The following HEATR4 variants were observed in gnomAD, a reference collection of about 807,000 sequenced individuals.
HEATR4 encodes HEAT repeat containing 4.
HEATR4 carries 95 observed loss-of-function variants against 108.8 expected under a neutral mutation model. The ratio of observed to expected loss-of-function variants is 0.87; its 90% CI spans 0.74 to 1.04. The LOEUF (loss-of-function observed/expected upper bound fraction) is 1.04, where lower values mean the gene tolerates loss of function less well. HEATR4 is among the 50% of genes least tolerant of loss of function. HEATR4 has a pLI of 0.00. For synonymous variants in HEATR4, 443 were observed against 459.4 expected, an observed-to-expected ratio of 0.96 and a Z score of 0.46; for missense variants, 1,152 against 1,253.8, an observed-to-expected ratio of 0.92 and a Z score of 1.23.
At chr14:73,582,327 A>G in the HEATR4 span, 5 of 151,008 alleles carry the variant, frequency 3.3e-5, no homozygotes, top group Non-Finnish European at 5.9e-5. Flanking sequence ...CTGCTCATAG[A>G]TAACAACTGG....
the HEATR4 span, among the ~76,000 whole-genome samples, chr14:73,600,343 C>G: frequency 6.6e-6 from 1 of 152,196 alleles, no homozygotes; most frequent in African/African-American, 2.4e-5. Context: ...TAAATTTAAC[C>G]TGCCTCCTAG....
At chr14:73,569,432 G>A in the HEATR4 span, 9 of 1,613,780 alleles carry the variant, frequency 5.6e-6, no homozygotes, top group Non-Finnish European at 7.6e-6. Context: ...CTCGGATGGC[G>A]GCGACGCTGA....
chr14:73,570,029 A>G, the HEATR4 span: 18 of 1,316,376 alleles, frequency 1.4e-5, no homozygotes, highest in Non-Finnish European at 1.5e-5. Context: ...CCTGGTCTCC[A>G]GCTATCTTCC....
chr14:73,519,242 C>T, intron 4 of HEATR4, 79 bp from the exon 5 acceptor site: 1 of 1,439,220 alleles, frequency 6.9e-7, no homozygotes, highest in South Asian at 1.4e-5. Context: ...TCACCAGGAT[C>T]AGACCCAACT....
At chr14:73,568,395 G>A in the HEATR4 span, among the ~76,000 whole-genome samples, 3 of 151,662 alleles carry the variant, frequency 2.0e-5, no homozygotes, top group Admixed American at 6.6e-5. Flanking sequence ...AATAGCTTAC[G>A]AAAAAGTAGA....
At chr14:73,491,744 T>G (rs547466270) in intron 17 of HEATR4, 10 of 1,556,172 alleles carry the variant, frequency 6.4e-6, no homozygotes, top group Admixed American at 1.9e-5. Context: ...GGGACTTTTC[T>G]CTACCGCTGA....
At chr14:73,498,491 T>A (rs1429509633) in intron 13 of HEATR4, 147 bp from the exon 14 acceptor site, 5 of 649,112 alleles carry the variant, frequency 7.7e-6, no homozygotes, top group African/African-American at 1.8e-5. Context: ...AATGGGACAT[T>A]ACCTCCAAAG....
chr14:73,522,868 G>A lies in HEATR4; in HGVS notation c.285C>T (p.His95=). 1 of 1,614,178 alleles carries A rather than the reference G, an allele frequency of 6.2e-7. No homozygotes were observed. ...SIPYSQYSFD[H]LYNTNDIIHT... ...GGATGATGTCATTGGTATTGTAGAG[G>A]TGGTCAAAGCTGTACTGGCTATAAG... is the stretch of plus-strand genomic sequence containing the variant. The change falls in exon 3 of 18, where the codon CAC becomes CAT. Residue 95 remains histidine, a synonymous_variant. Transcript: ENST00000553558.
At chr14:73,513,788 A>G (rs1005093551) in intron 6 of HEATR4, among the ~76,000 whole-genome samples, 2 of 149,778 alleles carry the variant, frequency 1.3e-5, no homozygotes, top group African/African-American at 2.4e-5. Context: ...TCTGCAGTGT[A>G]ATAATGAGTT....
At chr14:73,565,570 C>T in the HEATR4 span, among the ~76,000 whole-genome samples, 23 of 151,888 alleles carry the variant, frequency 1.5e-4, no homozygotes, top group Admixed American at 5.9e-4. Flanking sequence ...GTCCAGAGTT[C>T]GTTCCTTCTG....
At chr14:73,479,271 A>G (rs1207672934) in intron 17 of HEATR4, among the ~76,000 whole-genome samples, 1 of 151,346 alleles carries the variant, frequency 6.6e-6, no homozygotes, top group East Asian at 1.9e-4. Context: ...GCCCACCACC[A>G]CGCCCAGCTA....
chr14:73,514,004 A>T, intron 6 of HEATR4, 27 bp downstream of exon 6: 1 of 1,606,656 alleles, frequency 6.2e-7, no homozygotes, highest in Admixed American at 1.7e-5. Context: ...ACAAACGTAC[A>T]GTATCACAGG....
upstream of HEATR4, among the ~76,000 whole-genome samples, chr14:73,563,012 C>CT (rs1252416135): frequency 1.3e-5 from 2 of 151,910 alleles, no homozygotes. Context: ...AGTGGTTCTG[C>CT]TTTTGCCTTT....
At chr14:73,520,739 G>C (rs1360564765) in intron 4 of HEATR4, 113 bp downstream of exon 4, 2 of 956,680 alleles carry the variant, frequency 2.1e-6, no homozygotes, top group Non-Finnish European at 3.2e-6. Flanking sequence ...TGAAAACCTG[G>C]GTCATCCAGG....
intron 17 of HEATR4, among the ~76,000 whole-genome samples, chr14:73,479,410 G>T (rs868103428): frequency 6.4e-3 from 39 of 6,110 alleles, no homozygotes; most frequent in Middle Eastern, 0.042. Flanking sequence ...CACTGCGCCC[G>T]GCGTTTTTTT....
chr14:73,531,978 G>A lies in HEATR4; in HGVS notation c.-151-1734C>T, dbSNP rs1446079192. On this transcript the variant is annotated intron_variant, in intron 1 of 17. Transcript: ENST00000553558. ...ACCCAGGAAGCAGAGGTTGCAGTGAGCCAAGATCAGGCCATTGCACTCCAG... is the reference window on the plus strand; with the variant it reads ...ACCCAGGAAGCAGAGGTTGCAGTGAACCAAGATCAGGCCATTGCACTCCAG... Among the ~76,000 whole-genome samples the A allele has an allele frequency of 2.6e-5, 3 of 115,078 alleles. 1 individual carries two copies. The highest frequency in any genetic ancestry group is 5.7e-5 in the Non-Finnish European group (3 of 52,778). 75.5% of individuals were successfully genotyped at this position (115,078 alleles called of 152,430 possible).
chr14:73,522,160 A>G, intron 3 of HEATR4, 112 bp downstream of exon 3: 3 of 1,113,476 alleles, frequency 2.7e-6, no homozygotes, highest in East Asian at 4.7e-5. Flanking sequence ...GGTGGAGAAC[A>G]TGAAGTTGAT....
chr14:73,567,840 T>G, the HEATR4 span: 1 of 152,026 alleles, frequency 6.6e-6, no homozygotes. Context: ...ACACTCACCT[T>G]GAAGGTCTGT....
intron 5 of HEATR4, among the ~76,000 whole-genome samples, chr14:73,517,062 C>T (rs1473323609): frequency 1.3e-5 from 2 of 152,088 alleles, no homozygotes; most frequent in Non-Finnish European, 2.9e-5. Flanking sequence ...GGGAGGACCC[C>T]TTGTGGCCAG....
Sources: gnomAD v4.1 joint callset for allele counts (sites outside exome capture counted in the v4.1 genomes callset) on GRCh38, gnomAD v4.1.1 for gene constraint, MANE v1.5 for transcripts, NCBI Gene and HGNC (gene_info 2026-07-23, HGNC 2026-07-21) for gene names.